Variants in NAV2 observed in about 807,000 individuals in gnomAD.
The protein encoded by NAV2 is helicase, APC down-regulated 1.
In NAV2, 54 loss-of-function variants were observed where a neutral mutation model predicts 223.2. The ratio of observed to expected loss-of-function variants is 0.24; its 90% CI spans 0.19 to 0.30. NAV2 has a LOEUF of 0.30. Among genes scored for constraint, NAV2 ranks in the 10% least tolerant of loss-of-function variants. The pLI is 1.00. For missense variants in NAV2, 2,806 were observed against 3,147.5 expected (o/e 0.89, Z 2.60); for synonymous variants, 1,279 against 1,239.3 (o/e 1.03, Z -0.67).
intron 1 of NAV2, chr11:19,511,352 T>A (rs1479143260): frequency 6.6e-6 from 1 of 152,152 alleles, no homozygotes; most frequent in East Asian, 1.9e-4. Flanking sequence ...ATGTGAAATG[T>A]CCAAAATAGA....
intron 1 of NAV2, among the ~76,000 whole-genome samples, chr11:19,731,087 AC>A (rs1275426933): frequency 6.6e-6 from 1 of 152,166 alleles, no homozygotes; most frequent in African/African-American, 2.4e-5. Flanking sequence ...AGATCTGATG[AC>A]CCTACCCAAG....
chr11:19,935,330 C>T lies in NAV2; in HGVS notation c.2033+1053C>T, dbSNP rs1270640106. 2.0e-5 allele frequency among the ~76,000 whole-genome samples: 3 copies of T among 152,362 alleles called. No individual in the cohort carries two copies. The South Asian group carries it at 6.2e-4, about 32-fold the overall frequency. ...TGTAACTCAAGTGCATACAGATGCACAGCTGTACACTCACACTCATACAGC... is the reference window on the plus strand; with the variant it reads ...TGTAACTCAAGTGCATACAGATGCATAGCTGTACACTCACACTCATACAGC... On this transcript the variant is annotated intron_variant, in intron 7 of 37. Coordinates refer to ENST00000349880, the MANE Select transcript of NAV2 (RefSeq NM_145117.5).
chr11:19,802,354 G>C (rs1234682751), intron 1 of NAV2, among the ~76,000 whole-genome samples: 1 of 152,076 alleles, frequency 6.6e-6, no homozygotes, highest in East Asian at 1.9e-4. Flanking sequence ...CTCTGATTCT[G>C]GGTTCCAGGA....
At chr11:19,787,401 C>A (rs1195184827) in intron 1 of NAV2, among the ~76,000 whole-genome samples, 2 of 149,384 alleles carry the variant, frequency 1.3e-5, no homozygotes, top group African/African-American at 4.9e-5. Context: ...CAGACGTGAA[C>A]CACTGCACCC....
At chr11:19,822,139 C>G (rs1256468552) in intron 1 of NAV2, among the ~76,000 whole-genome samples, 1 of 152,146 alleles carries the variant, frequency 6.6e-6, no homozygotes, top group African/African-American at 2.4e-5. Context: ...CCTGTTGAGC[C>G]CTTGCCGTGT....
Position 19,982,845 on chromosome 11 carries a change from C to A in NAV2, c.2646-1280C>A, listed in dbSNP as rs530262931. 7.9e-4 allele frequency among the ~76,000 whole-genome samples: 120 copies of A among 152,186 alleles called. 1 individual carries two copies. Among genetic ancestry groups the A allele is most frequent in the African/African-American group, 2.8e-3 (116 of 41,508 alleles). On this transcript the variant is annotated intron_variant, in intron 10 of 37. Coordinates refer to ENST00000349880, the MANE Select transcript of NAV2 (RefSeq NM_145117.5). Reference sequence around the variant, plus strand: ...TTGAAAAATATATCCTAAAAAGGTCCCCAGCTACAGGTAGAAGAAATTCAA... The same window carrying A: ...TTGAAAAATATATCCTAAAAAGGTCACCAGCTACAGGTAGAAGAAATTCAA...
chr11:20,041,977 C>A (rs1170898495), intron 12 of NAV2, among the ~76,000 whole-genome samples: 2 of 152,090 alleles, frequency 1.3e-5, no homozygotes, highest in Non-Finnish European at 2.9e-5. Context: ...TACAATTACA[C>A]CCTTGTTTGT....
At chr11:19,978,972 TGG>T in intron 10 of NAV2, 1 of 152,250 alleles carries the variant, frequency 6.6e-6, no homozygotes, top group Non-Finnish European at 1.5e-5. Flanking sequence ...ACTTGAAGTC[TGG>T]AGTATTTGTT....
At chr11:20,060,362 G>C (rs1249874430) in intron 19 of NAV2, among the ~76,000 whole-genome samples, 1 of 152,194 alleles carries the variant, frequency 6.6e-6, no homozygotes, top group Non-Finnish European at 1.5e-5. Flanking sequence ...TACCTCTGTG[G>C]AACATTAGGC....
chr11:19,392,375 G>A (rs545508669), intron 1 of NAV2, among the ~76,000 whole-genome samples: 308 of 92,754 alleles, frequency 3.3e-3, no homozygotes, highest in African/African-American at 0.01. Context: ...GCAGGGCTCA[G>A]CAGGGTGATT....
At chr11:19,373,433 A>T (rs1848538092) in intron 1 of NAV2, among the ~76,000 whole-genome samples, 2 of 152,058 alleles carry the variant, frequency 1.3e-5, no homozygotes, top group Admixed American at 6.5e-5. Flanking sequence ...GAATCTGCCA[A>T]CAATTCCCAC....
intron 1 of NAV2, among the ~76,000 whole-genome samples, chr11:19,647,983 G>A (rs764551950): frequency 7.2e-5 from 11 of 152,184 alleles, no homozygotes; most frequent in Non-Finnish European, 1.3e-4. Flanking sequence ...AGACATTGTA[G>A]TAGCTTCCCT....
At chr11:19,346,501 T>G (rs558338625), upstream of NAV2, among the ~76,000 whole-genome samples, 140 of 152,344 alleles carry the variant, frequency 9.2e-4, no homozygotes, top group Non-Finnish European at 1.5e-3. Flanking sequence ...CTCCCGGGTG[T>G]GCGCTCCGCT....
chr11:20,117,998 A>G (rs185840718), intron 37 of NAV2, 135 bp from the exon 38 acceptor site: 421 of 957,766 alleles, frequency 4.4e-4, no homozygotes, highest in East Asian at 1.5e-3. Context: ...CCCAAAGTCC[A>G]TGTTCTTGTC....
intron 6 of NAV2, among the ~76,000 whole-genome samples, chr11:19,922,429 G>A (rs889953919): frequency 1.1e-4 from 17 of 152,052 alleles, no homozygotes; most frequent in South Asian, 4.2e-4. Context: ...GGTCATCCTC[G>A]TCCTTTAGGG....
At chr11:19,783,467 C>A (rs896615109) in intron 1 of NAV2, among the ~76,000 whole-genome samples, 1 of 152,134 alleles carries the variant, frequency 6.6e-6, no homozygotes, top group African/African-American at 2.4e-5. Flanking sequence ...CAGATTGAGT[C>A]CCCTTTTTTT....
At chr11:20,047,577 G>A (rs1469692070) in intron 14 of NAV2, among the ~76,000 whole-genome samples, 1 of 152,190 alleles carries the variant, frequency 6.6e-6, no homozygotes, top group Non-Finnish European at 1.5e-5. Context: ...ACCCTTTGAA[G>A]TAACGAGGTC....
At chr11:20,078,885 C>T (rs980043774) in intron 24 of NAV2, among the ~76,000 whole-genome samples, 1 of 152,146 alleles carries the variant, frequency 6.6e-6, no homozygotes. Flanking sequence ...ATATGGAGAG[C>T]TAGGATTTAT....
intron 1 of NAV2, among the ~76,000 whole-genome samples, chr11:19,351,925 G>C (rs1168056685): frequency 6.7e-6 from 1 of 149,786 alleles, no homozygotes; most frequent in Non-Finnish European, 1.5e-5. Flanking sequence ...ACATGGAGAT[G>C]AAAACTGTCC....
Sources: allele counts gnomAD v4.1 joint callset (sites outside exome capture counted in the v4.1 genomes callset), GRCh38; gene constraint gnomAD v4.1.1; transcripts MANE v1.5; gene names NCBI Gene and HGNC (gene_info 2026-07-23, HGNC 2026-07-21).